ENTREP2: variants seen among roughly 807,000 people sequenced by gnomAD.
The protein encoded by ENTREP2 is endosomal transmembrane epsin interactor 2.
the ENTREP2 span, among the ~76,000 whole-genome samples, chr15:29,227,235 T>C: frequency 2.0e-5 from 3 of 152,110 alleles, no homozygotes; most frequent in Non-Finnish European, 4.4e-5. Flanking sequence ...ATATAGTTCA[T>C]TAAAATGGAA....
At chr15:29,273,565 A>C in the ENTREP2 span, among the ~76,000 whole-genome samples, 1 of 152,092 alleles carries the variant, frequency 6.6e-6, no homozygotes, top group Non-Finnish European at 1.5e-5. Context: ...GAAGGAAGCA[A>C]AGTATTGTTC....
At chr15:29,166,734 G>C in the ENTREP2 span, among the ~76,000 whole-genome samples, 1,719 of 152,168 alleles carry the variant, frequency 0.011, 37 homozygotes, top group African/African-American at 0.039. Context: ...CTGTGAAAAT[G>C]ACCATACCAG....
the ENTREP2 span, among the ~76,000 whole-genome samples, chr15:29,544,549 A>AT: frequency 7.8e-6 from 1 of 128,332 alleles, no homozygotes; most frequent in East Asian, 1.9e-4. Context: ...CAAATAAAAA[A>AT]TTCGGTAGTT....
chr15:29,604,288 TC>T, the ENTREP2 span, among the ~76,000 whole-genome samples: 1 of 152,150 alleles, frequency 6.6e-6, no homozygotes, highest in Non-Finnish European at 1.5e-5. Flanking sequence ...CCAAATAACA[TC>T]CAGTGGATCA....
the ENTREP2 span, among the ~76,000 whole-genome samples, chr15:29,531,955 C>T: frequency 7.9e-5 from 12 of 152,200 alleles, no homozygotes; most frequent in Non-Finnish European, 1.5e-4. Context: ...CGTGAGCCAC[C>T]GCACCCAGCT....
chr15:29,300,431 A>C, the ENTREP2 span, among the ~76,000 whole-genome samples: 4 of 147,590 alleles, frequency 2.7e-5, no homozygotes, highest in African/African-American at 1.1e-4. Flanking sequence ...GGATGGATGG[A>C]TGAGTGGATG....
the ENTREP2 span, among the ~76,000 whole-genome samples, chr15:29,605,127 C>T: frequency 6.6e-6 from 1 of 152,194 alleles, no homozygotes; most frequent in Admixed American, 6.5e-5. Flanking sequence ...ACCCATCCAC[C>T]AGCCTGTGTA....
the ENTREP2 span, among the ~76,000 whole-genome samples, chr15:29,229,544 T>C: frequency 6.6e-6 from 1 of 152,202 alleles, no homozygotes; most frequent in African/African-American, 2.4e-5. Flanking sequence ...CACTACATCA[T>C]ATCTGAAACT....
the ENTREP2 span, among the ~76,000 whole-genome samples, chr15:29,240,432 G>A: frequency 1.3e-5 from 2 of 152,234 alleles, no homozygotes; most frequent in Non-Finnish European, 2.9e-5. Context: ...TGGGAGGCGG[G>A]GGCCTATGGG....
the ENTREP2 span, among the ~76,000 whole-genome samples, chr15:29,388,668 C>T: frequency 2.6e-5 from 4 of 151,668 alleles, no homozygotes; most frequent in East Asian, 3.9e-4. Flanking sequence ...CATGCACACA[C>T]GTTTATTGCA....
At chr15:29,664,466 C>T in the ENTREP2 span, among the ~76,000 whole-genome samples, 12 of 146,832 alleles carry the variant, frequency 8.2e-5, no homozygotes, top group Non-Finnish European at 1.6e-4. Context: ...TTTTTTTTAG[C>T]GCTCCTGCGC....
chr15:29,653,619 A>C, the ENTREP2 span, among the ~76,000 whole-genome samples: 8 of 151,932 alleles, frequency 5.3e-5, no homozygotes, highest in African/African-American at 1.9e-4. Flanking sequence ...TTTGTGAAGA[A>C]GGTGCCTTGC....
At chr15:29,531,784 G>A in the ENTREP2 span, among the ~76,000 whole-genome samples, 3 of 152,266 alleles carry the variant, frequency 2.0e-5, no homozygotes, top group Non-Finnish European at 4.4e-5. Context: ...TCCTGCCTCA[G>A]CCTGGGGAGA....
the ENTREP2 span, among the ~76,000 whole-genome samples, chr15:29,530,804 C>G: frequency 6.6e-6 from 1 of 152,230 alleles, no homozygotes. Context: ...TCTATGACTT[C>G]CATTTGGGGA....
chr15:29,593,015 A>G, the ENTREP2 span, among the ~76,000 whole-genome samples: 7 of 152,012 alleles, frequency 4.6e-5, no homozygotes, highest in Non-Finnish European at 8.8e-5. Context: ...CGAATAATAA[A>G]CCTCTTTTCT....
chr15:29,196,313 C>T, the ENTREP2 span: 8 of 1,161,702 alleles, frequency 6.9e-6, no homozygotes, highest in Admixed American at 7.3e-5. Context: ...CCCTCTTGCA[C>T]TGAACCTACC....
the ENTREP2 span, among the ~76,000 whole-genome samples, chr15:29,295,708 T>C: frequency 6.6e-6 from 1 of 152,220 alleles, no homozygotes; most frequent in African/African-American, 2.4e-5. Context: ...AGCACTGCGA[T>C]GTATGTCTGA....
the ENTREP2 span, among the ~76,000 whole-genome samples, chr15:29,154,723 G>A: frequency 2.0e-5 from 3 of 152,174 alleles, no homozygotes; most frequent in Admixed American, 2.0e-4. Context: ...CATCCTCAGG[G>A]CTCGTTCATG....
At chr15:29,197,366 T>A in the ENTREP2 span, among the ~76,000 whole-genome samples, 1 of 152,164 alleles carries the variant, frequency 6.6e-6, no homozygotes, top group African/African-American at 2.4e-5. Flanking sequence ...GCAGGAGGAT[T>A]GCTTGAGCCT....
Sources: gnomAD v4.1 joint callset for allele counts (sites outside exome capture counted in the v4.1 genomes callset) on GRCh38, gnomAD v4.1.1 for gene constraint, MANE v1.5 for transcripts, NCBI Gene and HGNC (gene_info 2026-07-23, HGNC 2026-07-21) for gene names.